DST: variants seen among roughly 807,000 people sequenced by gnomAD.
DST encodes dystonin.
In DST, 253 loss-of-function variants were observed where a neutral mutation model predicts 875.2. That is an observed-to-expected ratio of 0.29 (90% confidence interval 0.26 to 0.32). The LOEUF (loss-of-function observed/expected upper bound fraction) is 0.32. Among genes scored for constraint, DST ranks in the 10% least tolerant of loss-of-function variants. The pLI is 1.00. For missense variants in DST, 8,287 were observed against 9,111.6 expected (o/e 0.91, Z 3.68); for synonymous variants, 3,124 against 3,197.1 (o/e 0.98, Z 0.77).
At chr6:56,586,684 A>G (rs12195236) in intron 49 of DST, among the ~76,000 whole-genome samples, 41,861 of 151,994 alleles carry the variant, frequency 0.28, 7,084 homozygotes, top group Admixed American at 0.38. Flanking sequence ...CTGACACCTC[A>G]CACGGCCAGG....
chr6:56,554,696 C>T (rs146097968), intron 60 of DST, among the ~76,000 whole-genome samples: 3 of 152,248 alleles, frequency 2.0e-5, no homozygotes, highest in African/African-American at 4.8e-5. Context: ...GAAACAGTTG[C>T]TGTGATCAGT....
rs752249151 is a variant in DST, at chr6:56,639,648, T to C, written c.2698-37A>G. On this transcript the variant is annotated intron_variant, in intron 20 of 103. Transcript: ENST00000680361. ...AAAATCATCATAAGAATCATGTTTT[T>C]GCCAAATATAGATAAGGGAAACAGA... 2.5e-6 allele frequency: 4 copies of C among 1,613,596 alleles called. No individual in the cohort carries two copies. In the East Asian group the frequency reaches 8.9e-5, roughly 36 times the overall value.
At chr6:56,652,386 C>T (rs1333193784) in intron 10 of DST, among the ~76,000 whole-genome samples, 1 of 152,152 alleles carries the variant, frequency 6.6e-6, no homozygotes, top group Non-Finnish European at 1.5e-5. Flanking sequence ...GAGTGGTACT[C>T]ACCACCCAAA....
rs1048258145 is a variant in DST, at chr6:56,837,097, G to T, written c.625+14300C>A. Among the ~76,000 whole-genome samples, 3 of 151,984 alleles carry T rather than the reference G, an allele frequency of 2.0e-5. No homozygotes were observed. The South Asian group carries it at 6.2e-4, about 32-fold the overall frequency. ...AGACTGATAAGGTATTACTTAAAGC[G>T]CTCTACATTAAATAGAGCATTCCAG... is the stretch of plus-strand genomic sequence containing the variant. On this transcript the variant is annotated intron_variant, in intron 4 of 103. Transcript: ENST00000680361.
chr6:56,594,804 C>T (rs2098342427), intron 47 of DST, among the ~76,000 whole-genome samples: 1 of 152,206 alleles, frequency 6.6e-6, no homozygotes, highest in African/African-American at 2.4e-5. Context: ...AAAATGGAGA[C>T]AATAACTCCT....
chr6:56,614,734 T>C (rs2098595716), intron 36 of DST: 1 of 1,093,892 alleles, frequency 9.1e-7, no homozygotes, highest in Non-Finnish European at 1.1e-6. Context: ...AGCTGTTCCA[T>C]CAATGTTACA....
chr6:56,599,164 C>G lies in DST; in HGVS notation c.11695-455G>C, dbSNP rs571586630. Among the ~76,000 whole-genome samples the G allele has an allele frequency of 3.9e-5, 6 of 152,174 alleles. No homozygotes were observed. The South Asian group carries it at 1.0e-3, about 26-fold the overall frequency. On this transcript the variant is annotated intron_variant, in intron 45 of 103. Coordinates refer to ENST00000680361, the MANE Select transcript of DST (RefSeq NM_001374736.1). ...ACTTTCCTTTTCTAAACACCAGAAT[C>G]TGTAATATGTAATGTTTGCTTCTTT...
chr6:56,552,082 A>C, intron 61 of DST, 102 bp downstream of exon 61: 1 of 1,295,040 alleles, frequency 7.7e-7, no homozygotes, highest in East Asian at 2.3e-5. Flanking sequence ...TTGTATGACA[A>C]TCATTATTAA....
intron 65 of DST, 88 bp from the exon 66 acceptor site, chr6:56,529,862 G>A (rs2096864961): frequency 1.4e-6 from 2 of 1,458,188 alleles, no homozygotes; most frequent in Non-Finnish European, 1.8e-6. Context: ...AGCATGACAT[G>A]TTAAATGGAT....
At position 56,560,335 on chromosome 6, in the gene DST, G is replaced by T. The variant is rs921342916; in HGVS notation, c.14399C>A (p.Thr4800Asn). ...CTGTTTCCATCTGGGGGCCTCAGGA[G>T]TATCTGGGTTCTCCTCCAACAGCTC... ...LTELLEENPD[T>N]PEAPRWKQML... The change falls in exon 58 of 104, where the codon ACT becomes AAT. Residue 4800 changes from threonine (T) to asparagine (N), a missense_variant. Around this residue, in one of 10 missense-constraint regions of DST, gnomAD observed 1,513 missense variants for 1,677.8 expected, o/e 0.90. Transcript: ENST00000680361. 1.6e-5 allele frequency: 25 copies of T among 1,611,080 alleles called. No homozygotes were observed. Among genetic ancestry groups the T allele is most frequent in the Middle Eastern group, 1.6e-4 (1 of 6,076 alleles).
intron 55 of DST, among the ~76,000 whole-genome samples, chr6:56,566,521 GC>G (rs1393168368): frequency 6.6e-6 from 1 of 152,186 alleles, no homozygotes; most frequent in Non-Finnish European, 1.5e-5. Context: ...CCCTCCGTGG[GC>G]TGCACCCACT....
chr6:56,674,727 C>A (rs2099119815), intron 9 of DST, among the ~76,000 whole-genome samples: 1 of 152,038 alleles, frequency 6.6e-6, no homozygotes, highest in Non-Finnish European at 1.5e-5. Context: ...GATAAAAGAC[C>A]TTTATACTGA....
chr6:56,816,558 C>A (rs1040913236), intron 4 of DST, among the ~76,000 whole-genome samples: 18 of 152,190 alleles, frequency 1.2e-4, no homozygotes, highest in Non-Finnish European at 2.4e-4. Context: ...AACTGCATAG[C>A]AACAGCACTC....
In DST at chr6:56,473,933, C is replaced by A. The variant is rs1398754303; in HGVS notation, c.21934G>T (p.Ala7312Ser). The change falls in exon 93 of 104, where the codon GCT (alanine) becomes TCT (serine). Residue 7312 changes from alanine to serine, a missense_variant. By Grantham distance (99) the Ala-to-Ser change is moderately conservative. Transcript: ENST00000680361. ...GATTGTAATGAGGAAGGATCAGCAG[C>A]TCTCCTCTTATAGGTCTTCGTTACT... ...DKVTKTYKRR[A>S]ADPSSLQSHI... 1.3e-6 allele frequency: 2 copies of A among 1,592,278 alleles called. No individual in the cohort carries two copies. The highest frequency in any genetic ancestry group is 1.7e-5 in the Admixed American group (1 of 57,298).
chr6:56,706,308 C>T (rs372216158), intron 5 of DST, among the ~76,000 whole-genome samples: 67 of 142,436 alleles, frequency 4.7e-4, no homozygotes, highest in Non-Finnish European at 7.5e-4. Context: ...AGCGAGACTC[C>T]GTCTCAAAAA....
chr6:56,752,880 C>T (rs2152953853), intron 4 of DST, among the ~76,000 whole-genome samples: 1 of 152,222 alleles, frequency 6.6e-6, no homozygotes, highest in African/African-American at 2.4e-5. Flanking sequence ...CAACCTCTGC[C>T]TCCCGGGTTC....
rs556908988 is a variant in DST at position 56,566,364 on chromosome 6, G to A, written c.14005+2105C>T. Among the ~76,000 whole-genome samples, 13 of 152,284 alleles carry A rather than the reference G, an allele frequency of 8.5e-5. No homozygotes were observed. The South Asian group carries it at 1.5e-3, about 17-fold the overall frequency. Reference sequence around the variant, plus strand: ...GGGAATCTCCTGGTCTGTGAGTTGCGAAGACCATAGGAAAAGTGTAGTATC... The same window carrying A: ...GGGAATCTCCTGGTCTGTGAGTTGCAAAGACCATAGGAAAAGTGTAGTATC... On this transcript the variant is annotated intron_variant, in intron 55 of 103. Transcript: ENST00000680361.
At chr6:56,641,094 TTGCATTTACATATTTA>T (rs2098894336) in intron 17 of DST, among the ~76,000 whole-genome samples, 1 of 151,310 alleles carries the variant, frequency 6.6e-6, no homozygotes, top group African/African-American at 2.4e-5. Context: ...TTTAAAATTT[TTGCATTTACATATTTA>T]TGCACAGAGA....
intron 55 of DST, among the ~76,000 whole-genome samples, chr6:56,565,708 T>C (rs573495097): frequency 1.8e-4 from 28 of 152,194 alleles, no homozygotes; most frequent in Non-Finnish European, 3.8e-4. Context: ...GTCTGTTCCT[T>C]AGCAGAGCTT....
Sources: allele counts gnomAD v4.1 joint callset (sites outside exome capture counted in the v4.1 genomes callset), GRCh38; gene constraint gnomAD v4.1.1; regional missense constraint gnomAD v4.1.1; transcripts MANE v1.5; gene names NCBI Gene and HGNC (gene_info 2026-07-23, HGNC 2026-07-21).